ANKRD18A: variants seen among roughly 807,000 people sequenced by gnomAD.
ANKRD18A encodes the protein ankyrin repeat domain 18A, also known as ankyrin repeat domain-containing protein 18A.
ANKRD18A carries 72 observed loss-of-function variants against 110.6 expected under a neutral mutation model. The ratio of observed to expected loss-of-function variants is 0.65; its 90% CI spans 0.54 to 0.79. ANKRD18A has a LOEUF of 0.79. ANKRD18A is among the 30% of genes least tolerant of loss of function. The probability of loss-of-function intolerance (pLI) is 0.00; values close to 1 mark genes in which losing one functional copy is unlikely to be tolerated. For missense variants in ANKRD18A, 934 were observed against 1,163.3 expected, an observed-to-expected ratio of 0.80 and a Z score of 2.87; for synonymous variants, 305 against 410.3, an observed-to-expected ratio of 0.74 and a Z score of 3.10.
chr9:38,620,023 C>T (rs1291980296), intron 1 of ANKRD18A, 57 bp downstream of exon 1: 4 of 1,539,256 alleles, frequency 2.6e-6, no homozygotes, highest in East Asian at 4.9e-5. Context: ...GGCTGCCGGG[C>T]TGCAGGGAAG....
Position 38,575,778 on chromosome 9 carries a change from T to C in ANKRD18A, c.2742-80A>G, listed in dbSNP as rs138739260. 6.3e-6 allele frequency: 9 copies of C among 1,432,936 alleles called. No homozygotes were observed. In the East Asian group the frequency reaches 2.0e-4, roughly 32 times the overall value. 88.8% of individuals were successfully genotyped at this position (1,432,936 alleles called of 1,614,324 possible). A position where few individuals can be genotyped will look rare whatever the true frequency, so the allele number is the denominator to read the frequency against. On this transcript the variant is annotated intron_variant, in intron 14 of 15. Transcript: ENST00000399703. ...TTAATGACTTGCATTTTTTAAAAAG[T>C]TGCCCTGAGAGTAAACCAAAATACC...
chr9:38,614,158 A>G (rs1825754380), intron 3 of ANKRD18A, among the ~76,000 whole-genome samples: 1 of 150,358 alleles, frequency 6.7e-6, no homozygotes, highest in African/African-American at 2.4e-5. Flanking sequence ...ACATACAGGA[A>G]TTTATATCCT....
chr9:38,613,622 A>C (rs1032081591), intron 3 of ANKRD18A, among the ~76,000 whole-genome samples: 4 of 152,226 alleles, frequency 2.6e-5, no homozygotes, highest in African/African-American at 9.6e-5. Flanking sequence ...CAATTAGTTC[A>C]TAGGAATGCT....
intron 10 of ANKRD18A, among the ~76,000 whole-genome samples, chr9:38,590,592 A>T (rs1194185081): frequency 6.6e-6 from 1 of 152,178 alleles, no homozygotes; most frequent in East Asian, 1.9e-4. Context: ...TGAGAATCAG[A>T]TTATCAATTG....
intron 12 of ANKRD18A, among the ~76,000 whole-genome samples, chr9:38,584,320 G>A (rs1441103949): frequency 6.6e-6 from 1 of 152,112 alleles, no homozygotes; most frequent in Non-Finnish European, 1.5e-5. Flanking sequence ...AGTCCCAGTC[G>A]ACCACTTGCT....
chr9:38,574,903 G>C (rs1007523682), intron 15 of ANKRD18A, among the ~76,000 whole-genome samples: 1 of 151,910 alleles, frequency 6.6e-6, no homozygotes, highest in Admixed American at 6.6e-5. Context: ...AGACCTGCCT[G>C]GCCAATATGG....
Position 38,595,475 on chromosome 9 carries a change from T to C in ANKRD18A, c.1854+11A>G, listed in dbSNP as rs1824831872. On this transcript the variant is annotated intron_variant, in intron 9 of 15. Transcript: ENST00000399703. ...TTCTTTCCAGAAGTTTATAGTTTTC[T>C]TCATACTTACTTCTCTTTCTGCTTT... The C allele has an allele frequency of 1.4e-6, 2 of 1,456,268 alleles. No individual in the cohort carries two copies. Among genetic ancestry groups the C allele is most frequent in the Non-Finnish European group, 9.0e-7 (1 of 1,105,002 alleles). The allele number at this position is 1,456,268 out of a possible 1,614,324, so 90.2% of individuals were successfully genotyped here.
intron 1 of ANKRD18A, among the ~76,000 whole-genome samples, chr9:38,619,142 C>T (rs537529619): frequency 6.6e-6 from 1 of 152,084 alleles, no homozygotes; most frequent in South Asian, 2.1e-4. Context: ...GTCATTCTTA[C>T]GAAGGCCTTT....
At chr9:38,580,560 GAAT>G (rs1824116268) in intron 12 of ANKRD18A, among the ~76,000 whole-genome samples, 2 of 151,968 alleles carry the variant, frequency 1.3e-5, no homozygotes, top group Non-Finnish European at 2.9e-5. Context: ...ATGATTTATT[GAAT>G]ATTTTTAAAA....
chr9:38,571,194 C>T (rs1823628763), downstream of ANKRD18A: 2 of 1,525,460 alleles, frequency 1.3e-6, no homozygotes, highest in African/African-American at 2.9e-5. Context: ...GCCTGTGCTT[C>T]CTTGGTGCTG....
In ANKRD18A at chr9:38,607,320, G is replaced by A. The variant is rs2118849474; in HGVS notation, c.808+106C>T. The A allele has an allele frequency of 7.7e-6, 7 of 908,806 alleles. No homozygotes were observed. The East Asian group carries it at 2.4e-4, about 31-fold the overall frequency. The allele number at this position is 908,806 out of a possible 1,614,324, so 56.3% of individuals were successfully genotyped here. ...GATCCACCCGCCTCGGCCTCCCAAA[G>A]TGCTGGGATTACAGGTGTGAGCCAC... On this transcript the variant is annotated intron_variant, in intron 6 of 15. Transcript: ENST00000399703.
chr9:38,600,985 A>T, intron 8 of ANKRD18A, 146 bp downstream of exon 8: 1 of 743,448 alleles, frequency 1.3e-6, no homozygotes, highest in Non-Finnish European at 2.1e-6. Flanking sequence ...ACAGGCTAAA[A>T]TATTTTAAAA....
intron 11 of ANKRD18A, among the ~76,000 whole-genome samples, chr9:38,587,210 GA>G: frequency 6.6e-6 from 1 of 152,272 alleles, no homozygotes; most frequent in Admixed American, 6.5e-5. Flanking sequence ...AGACTTTGAA[GA>G]AGAGATCTAG....
At chr9:38,592,479 G>A (rs1409810134) in intron 10 of ANKRD18A, among the ~76,000 whole-genome samples, 1 of 152,198 alleles carries the variant, frequency 6.6e-6, no homozygotes, top group Admixed American at 6.5e-5. Flanking sequence ...TGCCTGCCAG[G>A]TCTGAATGAA....
At chr9:38,579,311 C>G (rs955046299) in intron 12 of ANKRD18A, among the ~76,000 whole-genome samples, 3 of 152,138 alleles carry the variant, frequency 2.0e-5, no homozygotes, top group Non-Finnish European at 4.4e-5. Context: ...ACATCAGAAG[C>G]ATAGGCAACA....
chr9:38,566,807 G>A (rs181535334), downstream of ANKRD18A: 1 of 152,286 alleles, frequency 6.6e-6, no homozygotes, highest in Non-Finnish European at 1.5e-5. Flanking sequence ...AGAGTAGGGA[G>A]GTGACATAGA....
chr9:38,577,991 A>G lies in ANKRD18A; in HGVS notation c.2405T>C (p.Val802Ala), dbSNP rs1435686836. ...EKDKKMLEEE[V>A]LNLKTHMEKD... ...TTCCATATGTGTCTTAAGATTTAAT[A>G]CTTCTTCTTCCAACATCTTTTTATC... Residue 802 changes from valine (V) to alanine (A), a missense_variant, in exon 13 of 16, where the codon GTA becomes GCA. Around this residue, in one of 4 missense-constraint regions of ANKRD18A, gnomAD observed 223 missense variants for 226.7 expected, o/e 0.98. Coordinates refer to ENST00000399703, the MANE Select transcript of ANKRD18A (RefSeq NM_147195.4). 1 of 1,565,762 alleles carries G rather than the reference A, an allele frequency of 6.4e-7. No individual in the cohort carries two copies. Among genetic ancestry groups the G allele is most frequent in the Non-Finnish European group, 8.7e-7 (1 of 1,152,572 alleles).
Position 38,571,684 on chromosome 9 carries a change from A to G in ANKRD18A, c.*361T>C, listed in dbSNP as rs556919095. On this transcript the variant is annotated 3_prime_UTR_variant, in exon 16 of 16. Transcript: ENST00000399703. ...CTCGATGACCTTTACTAAAGTATCAATGATGACTTGGTTGTTTGGCTGTTT... is the reference window on the plus strand; with the variant it reads ...CTCGATGACCTTTACTAAAGTATCAGTGATGACTTGGTTGTTTGGCTGTTT... The G allele has an allele frequency of 1.7e-4, 179 of 1,032,446 alleles. No homozygotes were observed. In the African/African-American group the frequency reaches 2.6e-3, roughly 15 times the overall value. 64.0% of individuals were successfully genotyped at this position (1,032,446 alleles called of 1,614,324 possible).
intron 11 of ANKRD18A, among the ~76,000 whole-genome samples, chr9:38,587,268 T>C (rs150717786): frequency 0.011 from 1,606 of 152,264 alleles, 19 homozygotes; most frequent in Middle Eastern, 0.027. Context: ...TACAAAACCA[T>C]GTAGAGAAAG....
Sources: allele counts gnomAD v4.1 joint callset (sites outside exome capture counted in the v4.1 genomes callset), GRCh38; gene constraint gnomAD v4.1.1; regional missense constraint gnomAD v4.1.1; transcripts MANE v1.5; gene names NCBI Gene and HGNC (gene_info 2026-07-23, HGNC 2026-07-21).